Variants in ALDH1L2 observed in about 807,000 individuals in gnomAD.
ALDH1L2 encodes the protein aldehyde dehydrogenase 1 family member L2.
In ALDH1L2, 91 loss-of-function variants were observed where a neutral mutation model predicts 111.0. The ratio of observed to expected loss-of-function variants is 0.82; its 90% confidence interval spans 0.69 to 0.98. The LOEUF (loss-of-function observed/expected upper bound fraction) is 0.98. Ranked by LOEUF, ALDH1L2 falls within the 50% of genes least tolerant of loss-of-function variation. The pLI, the probability that ALDH1L2 is intolerant of heterozygous loss-of-function variation, is 0.00. For missense variants in ALDH1L2, 995 were observed against 1,126.8 expected (o/e 0.88, Z 1.67); for synonymous variants, 374 against 392.6 (o/e 0.95, Z 0.56).
intron 13 of ALDH1L2, 200 bp downstream of exon 13, chr12:105,049,708 A>C (rs1876132296): frequency 1.8e-6 from 1 of 555,210 alleles, no homozygotes; most frequent in African/African-American, 2.0e-5. Context: ...GGCCTCCAGA[A>C]CTGTAAGAGA....
At position 105,058,116 on chromosome 12, in the gene ALDH1L2, T is replaced by G. The variant is rs756396244; in HGVS notation, c.1244A>C (p.Lys415Thr). ...CACCTCTTGATCTTCTCCTCTCAGTTTCCTCACGACCTTTTGGATAAAGCC... is the reference window on the plus strand; with the variant it reads ...CACCTCTTGATCTTCTCCTCTCAGTGTCCTCACGACCTTTTGGATAAAGCC... ...FEGFIQKVVR[K>T]LRGEDQEVEL... The change falls in exon 10 of 23, where the codon AAA becomes ACA. Residue 415 changes from lysine to threonine, a missense_variant. Lys to Thr is a moderately conservative substitution (Grantham distance 78, BLOSUM62 -1). Transcript: ENST00000258494. 1 of 1,613,300 alleles carries G rather than the reference T, an allele frequency of 6.2e-7. No individual in the cohort carries two copies. The highest frequency in any genetic ancestry group is 1.1e-5 in the South Asian group (1 of 90,818).
rs1008004466 is a variant in ALDH1L2 at position 105,057,949 on chromosome 12, T to C, written c.1287+124A>G. On this transcript the variant is annotated intron_variant, in intron 10 of 22. Transcript: ENST00000258494. ...GGAATTTTATGCCATCTGAATTAGA[T>C]CTCAGTAAAGCTGTTGTTTTTTAAA... is the stretch of plus-strand genomic sequence containing the variant. 30 of 1,189,152 alleles carry C rather than the reference T, an allele frequency of 2.5e-5. No individual in the cohort carries two copies. In the Admixed American group the frequency reaches 3.4e-4, roughly 13 times the overall value. 73.7% of individuals were successfully genotyped at this position (1,189,152 alleles called of 1,614,324 possible). A position where few individuals can be genotyped will look rare whatever the true frequency, so the allele number is the denominator to read the frequency against.
At chr12:105,046,528 A>G in intron 15 of ALDH1L2, among the ~76,000 whole-genome samples, 182 bp downstream of exon 15, 1 of 152,066 alleles carries the variant, frequency 6.6e-6, no homozygotes, top group Non-Finnish European at 1.5e-5. Context: ...TGGAATCTCC[A>G]TACAATGTAT....
Position 105,061,085 on chromosome 12 carries a change from G to A in ALDH1L2, c.1048-13C>T, listed in dbSNP as rs71468237. ...CAGCCCAGATGACCTACACAAAAAGGAAACTCTTATGAGGGAAGTGCCACG... is the reference window on the plus strand; with the variant it reads ...CAGCCCAGATGACCTACACAAAAAGAAAACTCTTATGAGGGAAGTGCCACG... On this transcript the variant is annotated splice_polypyrimidine_tract_variant and intron_variant, in intron 8 of 22. Transcript: ENST00000258494. 157,731 of 1,608,836 alleles carry A rather than the reference G, an allele frequency of 0.098. 8,699 individuals are homozygous for A. The highest frequency in any genetic ancestry group is 0.11 in the Non-Finnish European group (127,587 of 1,175,464).
At chr12:105,040,125 CAAAAAAAAA>C (rs11284250) in intron 16 of ALDH1L2, among the ~76,000 whole-genome samples, 1 of 59,080 alleles carries the variant, frequency 1.7e-5, no homozygotes. Context: ...GACTCCGTCT[CAAAAAAAAA>C]AAAAAAAAAA....
intron 12 of ALDH1L2, among the ~76,000 whole-genome samples, chr12:105,051,136 G>GT (rs1480942553): frequency 2.0e-5 from 3 of 152,034 alleles, no homozygotes; most frequent in Non-Finnish European, 1.5e-5. Flanking sequence ...GATATAAAAT[G>GT]TTTTTTTAAA....
intron 15 of ALDH1L2, among the ~76,000 whole-genome samples, chr12:105,041,330 G>C (rs1875519728): frequency 6.6e-6 from 1 of 152,130 alleles, no homozygotes; most frequent in Admixed American, 6.6e-5. Flanking sequence ...TCTTTGTCTG[G>C]ATTTGTCTGA....
chr12:105,042,402 GT>G (rs554610250), intron 15 of ALDH1L2, among the ~76,000 whole-genome samples: 1 of 130,104 alleles, frequency 7.7e-6, no homozygotes, highest in Non-Finnish European at 1.7e-5. Context: ...ATGTATTTGG[GT>G]TTTTTTGTTG....
intron 1 of ALDH1L2, among the ~76,000 whole-genome samples, chr12:105,074,457 CCAAAAAAAAAAAAAAA>C (rs777468492): frequency 1.9e-4 from 18 of 93,670 alleles, no homozygotes; most frequent in African/African-American, 2.0e-4. Flanking sequence ...GACTCTGTCT[CCAAAAAAAAAAAAAAA>C]AAAAAAAAAA....
At chr12:105,046,193 C>CTCTCTCTATATA (rs1256472590) in intron 15 of ALDH1L2, among the ~76,000 whole-genome samples, 6 of 20,182 alleles carry the variant, frequency 3.0e-4, no homozygotes, top group Non-Finnish European at 3.3e-4. Flanking sequence ...CTCTCTCTCT[C>CTCTCTCTATATA]TATATATATA....
chr12:105,040,539 A>G, intron 16 of ALDH1L2, 68 bp downstream of exon 16: 1 of 1,425,526 alleles, frequency 7.0e-7, no homozygotes, highest in Non-Finnish European at 9.9e-7. Flanking sequence ...CTCTAGAGGT[A>G]AAAGAGCCAC....
In ALDH1L2 at chr12:105,046,968, C is replaced by T. The variant is rs764111072; in HGVS notation, c.1688G>A (p.Gly563Asp). ...GGCCTGGTTGATTGGAATAGTAGAA[C>T]CCTAAAGAATGAGAAAAGTTGATAC... Reference protein sequence around the residue: ...YFAGWCDKIQGSTIPINQARP... With the variant: ...YFAGWCDKIQDSTIPINQARP... The change falls in exon 14 of 23, where the codon GGT becomes GAT. Residue 563 changes from glycine to aspartate, a missense_variant and splice_region_variant. Coordinates refer to ENST00000258494, the MANE Select transcript of ALDH1L2 (RefSeq NM_001034173.4). The T allele has an allele frequency of 1.9e-6, 3 of 1,613,622 alleles. No individual in the cohort carries two copies.
intron 10 of ALDH1L2, among the ~76,000 whole-genome samples, chr12:105,057,815 G>A (rs1876727560): frequency 1.3e-5 from 2 of 152,138 alleles, no homozygotes; most frequent in Admixed American, 1.3e-4. Flanking sequence ...CTGCCAATGG[G>A]TACAGGGCTT....
chr12:105,042,090 C>T (rs1434005602), intron 15 of ALDH1L2, among the ~76,000 whole-genome samples: 9 of 151,934 alleles, frequency 5.9e-5, no homozygotes, highest in African/African-American at 2.2e-4. Context: ...AACACACACA[C>T]ACACGTCTAC....
intron 20 of ALDH1L2, among the ~76,000 whole-genome samples, chr12:105,030,674 A>G (rs1009977217): frequency 3.9e-5 from 6 of 152,156 alleles, no homozygotes; most frequent in Admixed American, 1.3e-4. Flanking sequence ...ATAAATATCC[A>G]TATTTTGCTG....
intron 20 of ALDH1L2, among the ~76,000 whole-genome samples, 198 bp from the exon 21 acceptor site, chr12:105,030,627 A>G (rs1384646101): frequency 5.9e-5 from 9 of 152,306 alleles, no homozygotes; most frequent in Non-Finnish European, 1.3e-4. Flanking sequence ...TGTCAAACCT[A>G]TGTAAAGGTA....
chr12:105,033,002 C>A (rs1230853591), intron 19 of ALDH1L2, among the ~76,000 whole-genome samples: 2 of 152,234 alleles, frequency 1.3e-5, no homozygotes, highest in African/African-American at 4.8e-5. Context: ...CCTCAGTTAT[C>A]TTAACCTACT....
intron 7 of ALDH1L2, 138 bp from the exon 8 acceptor site, chr12:105,061,890 C>T: frequency 9.5e-7 from 1 of 1,054,446 alleles, no homozygotes; most frequent in Non-Finnish European, 1.3e-6. Context: ...AAGCATTCAC[C>T]ATTATGTGTA....
chr12:105,049,617 C>T (rs953428838), intron 13 of ALDH1L2: 7 of 207,474 alleles, frequency 3.4e-5, no homozygotes, highest in Non-Finnish European at 5.8e-5. Context: ...CACACCGTTC[C>T]TCTGCTCCAG....
Sources: gnomAD v4.1 joint callset for allele counts (sites outside exome capture counted in the v4.1 genomes callset) on GRCh38, gnomAD v4.1.1 for gene constraint, MANE v1.5 for transcripts, NCBI Gene and HGNC (gene_info 2026-07-23, HGNC 2026-07-21) for gene names.